Variants in NUS1 observed in about 807,000 individuals in gnomAD.
NUS1 encodes the protein NUS1 dehydrodolichyl diphosphate synthase subunit.
For missense variants in NUS1, 292 were observed against 382.9 expected, an observed-to-expected ratio of 0.76 and a Z score of 1.98; for synonymous variants, 135 against 155.2, an observed-to-expected ratio of 0.87 and a Z score of 0.97.
At chr6:117,678,677 G>GTTTTT (rs34349121) in intron 1 of NUS1, among the ~76,000 whole-genome samples, 4 of 100,314 alleles carry the variant, frequency 4.0e-5, no homozygotes, top group African/African-American at 1.1e-4. Context: ...TTTTTCAGTG[G>GTTTTT]TTTTTTTTTT....
At chr6:117,703,561 C>T (rs757820925) in intron 3 of NUS1, 44 bp from the exon 4 acceptor site, 1 of 1,307,102 alleles carries the variant, frequency 7.7e-7, no homozygotes, top group Non-Finnish European at 1.1e-6. Flanking sequence ...TGTGTGTGCA[C>T]ATGCAGTGCA....
rs1439928706 is a variant in NUS1, at chr6:117,709,869, A to G, written c.*2854A>G. On this transcript the variant is annotated 3_prime_UTR_variant, in exon 5 of 5. Transcript: ENST00000368494. ...TTTGTTCTGAACACTTAGGGGCTGC[A>G]AAAATGTAATAAGAAATGCATATGA... 4 of 152,734 alleles carry G rather than the reference A, an allele frequency of 2.6e-5. No homozygotes were observed. Among genetic ancestry groups the G allele is most frequent in the Non-Finnish European group, 4.4e-5 (3 of 67,990 alleles). The allele number at this position is 152,734 out of a possible 1,614,324, so 9.5% of individuals were successfully genotyped here.
chr6:117,693,124 A>T lies in NUS1; in HGVS notation c.498A>T (p.Lys166Asn), dbSNP rs1392457084. ...AACTTCTGGGCCTAGATTGTTCAAA[A>T]TACTCACCAGAATTTGCAAATAGTA... Reference protein sequence around the residue: ...QQELLGLDCSKYSPEFANSND... With the variant: ...QQELLGLDCSNYSPEFANSND... The change falls in exon 2 of 5, where the codon AAA becomes AAT. Residue 166 changes from lysine (K) to asparagine (N), a missense_variant. Transcript: ENST00000368494. 2.5e-6 allele frequency: 4 copies of T among 1,612,916 alleles called. No homozygotes were observed. The highest frequency in any genetic ancestry group is 1.7e-6 in the Non-Finnish European group (2 of 1,179,152).
At chr6:117,687,617 G>A (rs1773159514) in intron 1 of NUS1, among the ~76,000 whole-genome samples, 1 of 152,180 alleles carries the variant, frequency 6.6e-6, no homozygotes, top group East Asian at 1.9e-4. Context: ...GCTTGGGGAA[G>A]TGGCATAAAG....
rs745668430 is a variant in NUS1, at chr6:117,707,058, A to G, written c.*43A>G. ...ATTTGATTTGAGGCTTGTGGAGGAA[A>G]GGAACCAAGTGACTCTGATGTTTAC... On this transcript the variant is annotated 3_prime_UTR_variant, in exon 5 of 5. Coordinates refer to ENST00000368494, the MANE Select transcript of NUS1 (RefSeq NM_138459.5). 6.5e-7 allele frequency: 1 copy of G among 1,537,854 alleles called. No individual in the cohort carries two copies. The highest frequency in any genetic ancestry group is 9.0e-7 in the Non-Finnish European group (1 of 1,112,114).
chr6:117,678,461 A>T (rs1406405442), intron 1 of NUS1, among the ~76,000 whole-genome samples: 1 of 152,130 alleles, frequency 6.6e-6, no homozygotes, highest in Non-Finnish European at 1.5e-5. Context: ...GTGGGTAAAT[A>T]TGTGGTAATG....
intron 1 of NUS1, among the ~76,000 whole-genome samples, chr6:117,678,028 A>G (rs948436526): frequency 6.6e-6 from 1 of 152,194 alleles, no homozygotes; most frequent in African/African-American, 2.4e-5. Context: ...TACAGACTAT[A>G]ATGTTGCCAC....
At chr6:117,697,749 A>G (rs1773341937) in intron 3 of NUS1, among the ~76,000 whole-genome samples, 1 of 151,992 alleles carries the variant, frequency 6.6e-6, no homozygotes, top group Non-Finnish European at 1.5e-5. Flanking sequence ...AACACTAGAC[A>G]GATAGAGACA....
At chr6:117,694,208 T>C (rs752910128) in intron 3 of NUS1, 28 bp downstream of exon 3, 4 of 1,239,252 alleles carry the variant, frequency 3.2e-6, no homozygotes, top group Non-Finnish European at 4.4e-6. Flanking sequence ...TATATACATA[T>C]ATATGTATAT....
At chr6:117,689,083 T>G (rs1209196825) in intron 1 of NUS1, among the ~76,000 whole-genome samples, 1 of 152,140 alleles carries the variant, frequency 6.6e-6, no homozygotes, top group Non-Finnish European at 1.5e-5. Context: ...AATGGGCCAT[T>G]CAAGGAGCCA....
intron 1 of NUS1, among the ~76,000 whole-genome samples, chr6:117,676,663 C>G (rs996571147): frequency 3.3e-5 from 5 of 151,932 alleles, no homozygotes; most frequent in Admixed American, 6.6e-5. Flanking sequence ...ATTTGTATAC[C>G]CTTGCCAAGG....
chr6:117,696,598 G>A (rs1773323973), intron 3 of NUS1, among the ~76,000 whole-genome samples: 1 of 152,078 alleles, frequency 6.6e-6, no homozygotes. Flanking sequence ...CTTACAGGCT[G>A]GGAGAGAGTG....
At chr6:117,689,579 TAAAG>T (rs919503380) in intron 1 of NUS1, among the ~76,000 whole-genome samples, 6 of 152,248 alleles carry the variant, frequency 3.9e-5, no homozygotes, top group Non-Finnish European at 2.9e-5. Flanking sequence ...TTGTCTGTTT[TAAAG>T]AAAGAGTCTT....
At chr6:117,699,000 C>T (rs4945595) in intron 3 of NUS1, among the ~76,000 whole-genome samples, 6,866 of 152,072 alleles carry the variant, frequency 0.045, 407 homozygotes, top group East Asian at 0.27. Context: ...AGAAGGAACA[C>T]GCTACAACAT....
chr6:117,697,619 T>C (rs1447557028), intron 3 of NUS1, among the ~76,000 whole-genome samples: 1 of 151,926 alleles, frequency 6.6e-6, no homozygotes, highest in Non-Finnish European at 1.5e-5. Flanking sequence ...CAGTTGTAAA[T>C]ACATATGCAC....
At chr6:117,680,683 T>A (rs1773048201) in intron 1 of NUS1, among the ~76,000 whole-genome samples, 1 of 152,214 alleles carries the variant, frequency 6.6e-6, no homozygotes, top group African/African-American at 2.4e-5. Flanking sequence ...CAAAGGATAC[T>A]CTGCTACTTG....
Position 117,710,243 on chromosome 6 carries a change from TG to T in NUS1, c.*3229del, listed in dbSNP as rs1170219925. ...CTTGAAGGTCTAATCATAAGACAAT[TG>T]TTTTTTTGTGCATAGTTTTCATCTA... On this transcript the variant is annotated 3_prime_UTR_variant, in exon 5 of 5. Coordinates refer to ENST00000368494, the MANE Select transcript of NUS1 (RefSeq NM_138459.5). 6.8e-6 allele frequency: 1 copy of T among 148,030 alleles called. No homozygotes were observed. The highest frequency in any genetic ancestry group is 1.5e-5 in the Non-Finnish European group (1 of 67,688). The allele number at this position is 148,030 out of a possible 1,614,324, so 9.2% of individuals were successfully genotyped here. A position where few individuals can be genotyped will look rare whatever the true frequency, so the allele number is the denominator to read the frequency against.
intron 4 of NUS1, among the ~76,000 whole-genome samples, chr6:117,706,121 TG>T (rs1256174077): frequency 4.6e-5 from 7 of 152,316 alleles, no homozygotes; most frequent in African/African-American, 1.7e-4. Flanking sequence ...AAATTACAGA[TG>T]TTTTTCATGT....
chr6:117,690,064 A>G (rs780358970), intron 1 of NUS1, among the ~76,000 whole-genome samples: 1 of 152,236 alleles, frequency 6.6e-6, no homozygotes, highest in Non-Finnish European at 1.5e-5. Context: ...ATATGGGGAT[A>G]TAATGATTAT....
Sources: gnomAD v4.1 joint callset for allele counts (sites outside exome capture counted in the v4.1 genomes callset) on GRCh38, gnomAD v4.1.1 for gene constraint, MANE v1.5 for transcripts, NCBI Gene and HGNC (gene_info 2026-07-23, HGNC 2026-07-21) for gene names.